The following DPYD variants were observed in gnomAD, a reference collection of about 807,000 sequenced individuals.
DPYD encodes the protein dihydropyrimidine dehydrogenase [NADP(+)].
DPYD carries 109 observed loss-of-function variants against 116.2 expected under a neutral mutation model. The observed-to-expected ratio is 0.94, with a 90% CI of 0.80 to 1.10. The LOEUF is 1.10. DPYD is among the 50% of genes least tolerant of loss of function. DPYD has a pLI of 0.00. For missense variants in DPYD, 1,302 were observed against 1,254.5 expected (o/e 1.04, Z -0.57); for synonymous variants, 440 against 432.0 (o/e 1.02, Z -0.23).
At chr1:97,351,772 A>G (rs1670157831) in intron 16 of DPYD, among the ~76,000 whole-genome samples, 1 of 152,144 alleles carries the variant, frequency 6.6e-6, no homozygotes, top group Non-Finnish European at 1.5e-5. Flanking sequence ...ACAGGATTAG[A>G]AAAGAGAATG....
intron 3 of DPYD, among the ~76,000 whole-genome samples, chr1:97,757,977 G>C (rs375299447): frequency 6.6e-6 from 1 of 152,002 alleles, no homozygotes; most frequent in Non-Finnish European, 1.5e-5. Context: ...CTCATAATAC[G>C]CACTGCCTGA....
intron 21 of DPYD, among the ~76,000 whole-genome samples, chr1:97,096,267 T>C (rs563062499): frequency 2.0e-5 from 3 of 152,158 alleles, no homozygotes; most frequent in Non-Finnish European, 4.4e-5. Context: ...TTGTTTTTTG[T>C]CTAAGTTATC....
At chr1:97,661,214 T>C (rs545753964) in intron 8 of DPYD, among the ~76,000 whole-genome samples, 1 of 152,320 alleles carries the variant, frequency 6.6e-6, no homozygotes, top group Admixed American at 6.5e-5. Flanking sequence ...ATTAGAGTTG[T>C]AATGAACTCA....
chr1:97,403,777 A>AT (rs959131067), intron 14 of DPYD, among the ~76,000 whole-genome samples: 21 of 150,884 alleles, frequency 1.4e-4, no homozygotes, highest in African/African-American at 4.9e-4. Context: ...TTCTATATTG[A>AT]TTTTTTTTAT....
intron 20 of DPYD, among the ~76,000 whole-genome samples, chr1:97,142,281 G>C (rs17702702): frequency 0.14 from 21,904 of 152,036 alleles, 1,926 homozygotes; most frequent in East Asian, 0.3. Flanking sequence ...GTTAGACTTT[G>C]GCAAGCATTT....
chr1:97,647,305 TA>T (rs2100833451), intron 8 of DPYD, among the ~76,000 whole-genome samples: 1 of 152,166 alleles, frequency 6.6e-6, no homozygotes, highest in Non-Finnish European at 1.5e-5. Context: ...TTCTTATAAG[TA>T]ATCTTATATT....
intron 4 of DPYD, among the ~76,000 whole-genome samples, chr1:97,731,481 A>G (rs1386564755): frequency 6.6e-6 from 1 of 152,112 alleles, no homozygotes; most frequent in Non-Finnish European, 1.5e-5. Context: ...CTCAACATTC[A>G]AGACGTTAAT....
At chr1:97,440,530 A>G (rs1243269503) in intron 14 of DPYD, among the ~76,000 whole-genome samples, 1 of 151,854 alleles carries the variant, frequency 6.6e-6, no homozygotes, top group Admixed American at 6.6e-5. Context: ...ATTGTTTTAG[A>G]GTATCTTTAA....
intron 3 of DPYD, among the ~76,000 whole-genome samples, chr1:97,827,189 C>T (rs1340274017): frequency 2.6e-5 from 4 of 152,104 alleles, no homozygotes; most frequent in East Asian, 3.8e-4. Context: ...TTCTAGGAAG[C>T]TCTTAGGTTT....
intron 12 of DPYD, among the ~76,000 whole-genome samples, chr1:97,518,130 C>T (rs1378628848): frequency 1.3e-5 from 2 of 151,852 alleles, no homozygotes; most frequent in Admixed American, 6.6e-5. Context: ...GCAAGATTTT[C>T]CTTAAGCTTC....
At chr1:97,613,431 C>G (rs1053410964) in intron 8 of DPYD, among the ~76,000 whole-genome samples, 10 of 151,860 alleles carry the variant, frequency 6.6e-5, no homozygotes, top group African/African-American at 2.4e-4. Flanking sequence ...AAATTTTTTA[C>G]TCTTCTGCAT....
intron 20 of DPYD, among the ~76,000 whole-genome samples, chr1:97,186,391 T>C (rs934505061): frequency 2.3e-4 from 35 of 152,136 alleles, no homozygotes; most frequent in African/African-American, 8.0e-4. Context: ...ATCCTGCTTC[T>C]ACCCAATTCC....
At chr1:97,234,392 C>T (rs1661771799) in intron 19 of DPYD, among the ~76,000 whole-genome samples, 1 of 151,924 alleles carries the variant, frequency 6.6e-6, no homozygotes, top group African/African-American at 2.4e-5. Flanking sequence ...GCTGAACAAT[C>T]AATTTATTTT....
At chr1:97,880,989 G>A (rs1672188472) in intron 2 of DPYD, among the ~76,000 whole-genome samples, 1 of 151,944 alleles carries the variant, frequency 6.6e-6, no homozygotes, top group African/African-American at 2.4e-5. Flanking sequence ...TAATGCCTAA[G>A]ATAATCCTCT....
chr1:97,232,469 C>T (rs6661755), intron 19 of DPYD, among the ~76,000 whole-genome samples: 121 of 152,134 alleles, frequency 8.0e-4, no homozygotes, highest in African/African-American at 2.9e-3. Context: ...TATTTTTAGC[C>T]ATTATTTTTT....
At chr1:97,211,065 T>A (rs1256160382) in intron 19 of DPYD, among the ~76,000 whole-genome samples, 2 of 152,178 alleles carry the variant, frequency 1.3e-5, no homozygotes, top group African/African-American at 4.8e-5. Flanking sequence ...AAATATTAAT[T>A]AGATCATAAT....
At chr1:97,437,067 A>C (rs1675511843) in intron 14 of DPYD, among the ~76,000 whole-genome samples, 1 of 151,800 alleles carries the variant, frequency 6.6e-6, no homozygotes, top group Non-Finnish European at 1.5e-5. Flanking sequence ...TACTTAAAGT[A>C]TACAATTTTA....
At chr1:97,150,890 A>G (rs1463902795) in intron 20 of DPYD, among the ~76,000 whole-genome samples, 3 of 152,232 alleles carry the variant, frequency 2.0e-5, no homozygotes, top group African/African-American at 7.2e-5. Context: ...GTACATTATA[A>G]TGACAAATGT....
intron 19 of DPYD, among the ~76,000 whole-genome samples, chr1:97,199,550 A>G (rs771215795): frequency 1.3e-5 from 2 of 152,062 alleles, no homozygotes; most frequent in Non-Finnish European, 2.9e-5. Flanking sequence ...GCAGGATATA[A>G]TTTTTTTAAT....
Sources: allele counts gnomAD v4.1 joint callset (sites outside exome capture counted in the v4.1 genomes callset), GRCh38; gene constraint gnomAD v4.1.1; transcripts MANE v1.5; gene names NCBI Gene and HGNC (gene_info 2026-07-23, HGNC 2026-07-21).